Variants in ZFC3H1 observed in about 807,000 individuals in gnomAD.
The protein encoded by ZFC3H1 is zinc finger C3H1-type containing, also known as zinc finger C3H1 domain-containing protein.
In ZFC3H1, 71 loss-of-function variants were observed where a neutral mutation model predicts 243.7. The observed-to-expected ratio is 0.29, with a 90% CI of 0.24 to 0.36. The LOEUF (loss-of-function observed/expected upper bound fraction) is 0.36, where lower values mean the gene tolerates loss of function less well. Among genes scored for constraint, ZFC3H1 ranks in the 10% least tolerant of loss-of-function variants. The pLI, the probability that ZFC3H1 is intolerant of heterozygous loss-of-function variation, is 1.00. For synonymous variants in ZFC3H1, 838 were observed against 813.0 expected (o/e 1.03, Z -0.52); for missense variants, 1,966 against 2,317.1 (o/e 0.85, Z 3.11).
chr12:71,634,569 T>C, intron 11 of ZFC3H1, 135 bp downstream of exon 11: 2 of 1,094,164 alleles, frequency 1.8e-6, no homozygotes, highest in South Asian at 3.4e-5. Flanking sequence ...CCATCTTCTG[T>C]GTGAGTTATA....
Position 71,610,372 on chromosome 12 carries a change from C to T in ZFC3H1, c.*56G>A. 1.3e-6 allele frequency: 2 copies of T among 1,577,952 alleles called. No homozygotes were observed. The highest frequency in any genetic ancestry group is 1.7e-6 in the Non-Finnish European group (2 of 1,160,882). ...AGGGATCAGCCTAATCTTGAAGAAT[C>T]ATTCAAATAATTTTGGCAATTATTA... On this transcript the variant is annotated 3_prime_UTR_variant, in exon 35 of 35. Transcript: ENST00000378743.
At chr12:71,634,328 T>A (rs750625504) in intron 11 of ZFC3H1, 24 bp from the exon 12 acceptor site, 1 of 1,606,122 alleles carries the variant, frequency 6.2e-7, no homozygotes, top group African/African-American at 1.3e-5. Flanking sequence ...AAAGGATATA[T>A]GCATTACACC....
At position 71,663,423 on chromosome 12, in the gene ZFC3H1, C is replaced by A; in HGVS notation, c.188G>T (p.Gly63Val). 1.2e-6 allele frequency: 2 copies of A among 1,611,876 alleles called. No homozygotes were observed. Among genetic ancestry groups the A allele is most frequent in the Non-Finnish European group, 1.7e-6 (2 of 1,180,030 alleles). Residue 63 changes from glycine to valine, a missense_variant, in exon 1 of 35, where the codon GGC becomes GTC. By Grantham distance (109) the Gly-to-Val change is moderately radical (BLOSUM62 -3). Transcript: ENST00000378743. Reference sequence around the variant, plus strand: ...GCCACCGCCTCCGCCAGATCCACCGCCCCGGGCCGAGTGAGGAGGCCTTCG... The same window carrying A: ...GCCACCGCCTCCGCCAGATCCACCGACCCGGGCCGAGTGAGGAGGCCTTCG... The part of the protein sequence containing the change: ...PRRRPPHSAR[G>V]GGSGGGGGSS...
rs1313862157 is a variant in ZFC3H1 at position 71,663,279 on chromosome 12, C to A, written c.332G>T (p.Arg111Leu). ...PSSYRPKEPF[R>L]SHPPSVRMPS... The stretch of plus-strand genomic sequence containing the variant: ...CATCCGTACAGAAGGCGGATGAGAC[C>A]GGAACGGTTCTTTGGGTCGGTAGCT... The change falls in exon 1 of 35, where the codon CGG (arginine) becomes CTG (leucine). Residue 111 changes from arginine to leucine, a missense_variant. Around this residue, in one of 4 missense-constraint regions of ZFC3H1, gnomAD observed 484 missense variants for 449.7 expected, o/e 1.08. Transcript: ENST00000378743. 9 of 1,613,454 alleles carry A rather than the reference C, an allele frequency of 5.6e-6. No individual in the cohort carries two copies. The highest frequency in any genetic ancestry group is 7.6e-6 in the Non-Finnish European group (9 of 1,180,050).
Position 71,630,666 on chromosome 12 carries a change from A to T in ZFC3H1, c.3658T>A (p.Ser1220Thr). ...SRKQLFQDIL[S>T]YNLSLIGCAE... ...CAACCAATCAAAGACAGATTATATG[A>T]CAGAATGTCCTGGAATAACTGTTTT... The change falls in exon 18 of 35, where the codon TCA becomes ACA. Residue 1220 changes from serine (S) to threonine (T), a missense_variant. Physicochemically the swap from Ser to Thr is moderately conservative, Grantham distance 58 (BLOSUM62 1). Coordinates refer to ENST00000378743, the MANE Select transcript of ZFC3H1 (RefSeq NM_144982.5). 6.2e-7 allele frequency: 1 copy of T among 1,613,718 alleles called. No individual in the cohort carries two copies. Among genetic ancestry groups the T allele is most frequent in the Non-Finnish European group, 8.5e-7 (1 of 1,179,820 alleles).
At chr12:71,623,220 A>G in intron 24 of ZFC3H1, 140 bp downstream of exon 24, 1 of 718,618 alleles carries the variant, frequency 1.4e-6, no homozygotes, top group South Asian at 2.4e-5. Context: ...TTTGCCTAAT[A>G]AATTGTGAAA....
At chr12:71,646,871 C>T (rs1217278587) in intron 3 of ZFC3H1, among the ~76,000 whole-genome samples, 3 of 152,216 alleles carry the variant, frequency 2.0e-5, no homozygotes, top group African/African-American at 7.2e-5. Flanking sequence ...GAGCTAAGCT[C>T]GTTAGTTCCC....
At chr12:71,661,413 C>A (rs376818227) in intron 1 of ZFC3H1, among the ~76,000 whole-genome samples, 29 of 151,828 alleles carry the variant, frequency 1.9e-4, no homozygotes, top group African/African-American at 6.8e-4. Flanking sequence ...ACACCGTGGG[C>A]AGAGGTTTTC....
intron 3 of ZFC3H1, among the ~76,000 whole-genome samples, chr12:71,646,463 T>G (rs192861190): frequency 1.8e-3 from 278 of 152,326 alleles, no homozygotes; most frequent in African/African-American, 5.9e-3. Context: ...CATAGCCACA[T>G]GTAGCTAACA....
intron 30 of ZFC3H1, 33 bp from the exon 31 acceptor site, chr12:71,613,468 C>T (rs1565800844): frequency 2.0e-6 from 3 of 1,493,108 alleles, no homozygotes; most frequent in Non-Finnish European, 2.7e-6. Context: ...AAAATGAATG[C>T]AACCAAAATG....
intron 30 of ZFC3H1, among the ~76,000 whole-genome samples, chr12:71,614,084 G>A (rs1041821962): frequency 6.6e-6 from 1 of 152,074 alleles, no homozygotes; most frequent in South Asian, 2.1e-4. Context: ...CTTATGCCTT[G>A]TGTATAGCTA....
intron 10 of ZFC3H1, 136 bp from the exon 11 acceptor site, chr12:71,634,961 C>T: frequency 9.2e-7 from 1 of 1,089,252 alleles, no homozygotes. Context: ...ATTTTCTATT[C>T]TTTTTTCTAA....
chr12:71,626,350 T>C lies in ZFC3H1; in HGVS notation c.4227A>G (p.Arg1409=), dbSNP rs1389079300. ...CCTTGGTTCCTCTTTTTGAGAACAA[T>C]CTGAGGTAATGGCACCAAATTTCTG... The part of the protein sequence containing the change: ...DNPEIWCHYL[R]LFSKRGTKDE... Residue 1409 remains arginine, a synonymous_variant, in exon 22 of 35, where the codon AGA becomes AGG. Coordinates refer to ENST00000378743, the MANE Select transcript of ZFC3H1 (RefSeq NM_144982.5). 1 of 1,613,982 alleles carries C rather than the reference T, an allele frequency of 6.2e-7. No individual in the cohort carries two copies. The highest frequency in any genetic ancestry group is 8.5e-7 in the Non-Finnish European group (1 of 1,180,014).
intron 1 of ZFC3H1, 150 bp from the exon 2 acceptor site, chr12:71,657,451 A>G (rs1259963182): frequency 4.4e-6 from 3 of 679,644 alleles, no homozygotes; most frequent in Non-Finnish European, 7.1e-6. Context: ...CATTTAATGT[A>G]TGTGCAGCTA....
chr12:71,634,351 TA>T, intron 11 of ZFC3H1, 47 bp from the exon 12 acceptor site: 1 of 1,568,478 alleles, frequency 6.4e-7, no homozygotes, highest in East Asian at 2.3e-5. Context: ...AGAATAAACT[TA>T]AACTATTTTT....
chr12:71,642,090 T>A (rs527529217), intron 6 of ZFC3H1, among the ~76,000 whole-genome samples: 1 of 152,268 alleles, frequency 6.6e-6, no homozygotes, highest in South Asian at 2.1e-4. Flanking sequence ...CCTCAAGCAA[T>A]CTGCCCACCT....
At chr12:71,616,197 T>A (rs1879890917) in intron 27 of ZFC3H1, among the ~76,000 whole-genome samples, 1 of 152,206 alleles carries the variant, frequency 6.6e-6, no homozygotes, top group African/African-American at 2.4e-5. Context: ...ACTCCCGGGC[T>A]GAGGTGGGAG....
chr12:71,624,161 A>G lies in ZFC3H1; in HGVS notation c.4449T>C (p.Phe1483=), dbSNP rs373396528. ...LSFQLLEALL[F]RVQLHIFTGR... Reference sequence around the variant, plus strand: ...CAGTAAATATGTGCAGCTGAACTCTAAACAAAAGAGCCTCTAAAAGCTGAA... The same window carrying G: ...CAGTAAATATGTGCAGCTGAACTCTGAACAAAAGAGCCTCTAAAAGCTGAA... The change falls in exon 23 of 35, where the codon TTT becomes TTC. Residue 1483 remains phenylalanine (F), a synonymous_variant. Coordinates refer to ENST00000378743, the MANE Select transcript of ZFC3H1 (RefSeq NM_144982.5). The G allele has an allele frequency of 1.1e-3, 1,779 of 1,614,044 alleles. 14 individuals carry two copies. The South Asian group carries it at 0.018, about 17-fold the overall frequency.
At chr12:71,631,127 G>C (rs1880311652) in intron 16 of ZFC3H1, among the ~76,000 whole-genome samples, 173 bp from the exon 17 acceptor site, 1 of 151,922 alleles carries the variant, frequency 6.6e-6, no homozygotes, top group Non-Finnish European at 1.5e-5. Flanking sequence ...AGAATATCAA[G>C]GGATAGAAAC....
Sources: gnomAD v4.1 joint callset for allele counts (sites outside exome capture counted in the v4.1 genomes callset) on GRCh38, gnomAD v4.1.1 for gene constraint, gnomAD v4.1.1 regional missense constraint, MANE v1.5 for transcripts, NCBI Gene and HGNC (gene_info 2026-07-23, HGNC 2026-07-21) for gene names.